DENND3: variants seen among roughly 807,000 people sequenced by gnomAD.
DENND3 encodes the protein DENN domain containing 3, also known as DENN domain-containing protein 3.
A neutral mutation model predicts 135.1 loss-of-function variants in DENND3; 88 were observed. That is an observed-to-expected ratio of 0.65 (90% CI 0.55 to 0.78). DENND3 has a LOEUF of 0.78. Ranked by LOEUF, DENND3 falls within the 30% of genes least tolerant of loss-of-function variation. The pLI, the probability that DENND3 is intolerant of heterozygous loss-of-function variation, is 0.00. For synonymous variants in DENND3, 693 were observed against 712.3 expected (o/e 0.97, Z 0.43); for missense variants, 1,392 against 1,688.4 (o/e 0.82, Z 3.08).
chr8:141,189,058 G>A lies in DENND3; in HGVS notation c.3157G>A (p.Val1053Ile), dbSNP rs201382694. ...SEDSVIYIIN[V>I]HSMSCNKQLT... is the part of the protein sequence containing the mutation. Reference sequence around the variant, plus strand: ...AGACTCCGTCATCTACATCATCAACGTCCACAGCATGTCCTGCAACAAGCA... The same window carrying A: ...AGACTCCGTCATCTACATCATCAACATCCACAGCATGTCCTGCAACAAGCA... The change falls in exon 19 of 23, where the codon GTC becomes ATC. Residue 1053 changes from valine to isoleucine, a missense_variant. Val to Ile is a conservative substitution (Grantham distance 29, BLOSUM62 3). Transcript: ENST00000519811. 67 of 1,614,198 alleles carry A rather than the reference G, an allele frequency of 4.2e-5. No individual in the cohort carries two copies. The highest frequency in any genetic ancestry group is 1.2e-4 in the Admixed American group (7 of 60,020).
In DENND3 at chr8:141,141,115, C is replaced by T; in HGVS notation, c.502-88C>T. ...GTGGGGATGGTGGACTCTCAGCTTG[C>T]TGTGTGCTGAAACGTGACCCAGTTG... On this transcript the variant is annotated intron_variant, in intron 3 of 22. Transcript: ENST00000519811. The surrounding 1 kb of genome is among the most constrained non-coding windows in gnomAD (Gnocchi z 5.3). 2 of 1,594,084 alleles carry T rather than the reference C, an allele frequency of 1.3e-6. No individual in the cohort carries two copies. The highest frequency in any genetic ancestry group is 8.6e-7 in the Non-Finnish European group (1 of 1,167,714).
chr8:141,140,852 G>A (rs1017720958), intron 3 of DENND3, among the ~76,000 whole-genome samples: 6 of 152,206 alleles, frequency 3.9e-5, no homozygotes, highest in Admixed American at 6.5e-5. Flanking sequence ...TGTGGGTGCC[G>A]CTTCCTGTGC....
At chr8:141,180,966 G>C in intron 17 of DENND3, 112 bp downstream of exon 17, 1 of 826,066 alleles carries the variant, frequency 1.2e-6, no homozygotes, top group African/African-American at 1.7e-5. Context: ...CACGGGATAA[G>C]TGGGGACAAG....
chr8:141,154,712 G>A lies in DENND3; in HGVS notation c.1075-1137G>A, dbSNP rs1819233760. ...TGAGTAGCTGGGATTGCAGGCACAC[G>A]CCACCATGCCTGGGTAATTTTTGTA... On this transcript the variant is annotated intron_variant, in intron 7 of 22. Coordinates refer to ENST00000519811, the MANE Select transcript of DENND3 (RefSeq NM_001352890.3). This position sits in a 1 kb window ranked among gnomAD's most constrained non-coding sequence, Gnocchi z 4.4. Among the ~76,000 whole-genome samples, 1 of 151,998 alleles carries A rather than the reference G, an allele frequency of 6.6e-6. No individual in the cohort carries two copies. Among genetic ancestry groups the A allele is most frequent in the Non-Finnish European group, 1.5e-5 (1 of 68,000 alleles).
intron 8 of DENND3, among the ~76,000 whole-genome samples, chr8:141,158,946 AG>A (rs1224738075): frequency 2.6e-5 from 4 of 152,254 alleles, no homozygotes; most frequent in African/African-American, 9.6e-5. Flanking sequence ...CTGCCACTCC[AG>A]GTGGCATCAT....
chr8:141,185,533 C>T (rs531295703), intron 18 of DENND3: 1 of 413,798 alleles, frequency 2.4e-6, no homozygotes, highest in East Asian at 4.4e-5. Flanking sequence ...ATTTCAGGCC[C>T]CCATCTAAAA....
At chr8:141,172,570 C>T (rs529095077) in intron 13 of DENND3, among the ~76,000 whole-genome samples, 17 of 152,312 alleles carry the variant, frequency 1.1e-4, no homozygotes, top group South Asian at 1.0e-3. Flanking sequence ...CCCTGAGCGG[C>T]GCAAGGGGCA....
chr8:141,194,228 G>T lies in DENND3; in HGVS notation c.3832G>T (p.Glu1278Ter), dbSNP rs770437022. Residue 1278 changes from glutamate to a stop codon, truncating the protein, a stop_gained, in exon 23 of 23, where the codon GAA (glutamate) becomes TAA (stop). Coordinates refer to ENST00000519811, the MANE Select transcript of DENND3 (RefSeq NM_001352890.3). LOFTEE classifies it high-confidence loss of function. The part of the protein sequence containing the change: ...EEGKVAIWKG[E>*] ...GGGGAAAGTCGCCATTTGGAAAGGC[G>T]AATAAACGTGGCTGAGTCTGCCAAG... is the stretch of plus-strand genomic sequence containing the variant. The T allele has an allele frequency of 6.2e-7, 1 of 1,611,910 alleles. No homozygotes were observed.
At chr8:141,183,417 G>A (rs1021341878) in intron 17 of DENND3, among the ~76,000 whole-genome samples, 1 of 131,690 alleles carries the variant, frequency 7.6e-6, no homozygotes, top group Non-Finnish European at 1.6e-5. Flanking sequence ...GCCAATTTTT[G>A]TATTTTTTTT....
chr8:141,136,751 C>A lies in DENND3; in HGVS notation c.345C>A (p.Gly115=), dbSNP rs200233804. The A allele has an allele frequency of 1.3e-6, 2 of 1,595,366 alleles. No individual in the cohort carries two copies. The highest frequency in any genetic ancestry group is 1.3e-5 in the African/African-American group (1 of 74,702). Residue 115 remains glycine (G), a synonymous_variant, in exon 2 of 23, where the codon GGC becomes GGA. Transcript: ENST00000519811. ...AGCCTGAGGATGTCGCCGTCCCGGG[C>A]GGCGTGGACCTCCTCACCCTGCCGC... ...APEPEDVAVP[G]GVDLLTLPQL...
Position 141,138,389 on chromosome 8 carries a change from CTT to C in DENND3, c.501+262_501+263del, listed in dbSNP as rs549087935. Among the ~76,000 whole-genome samples, 1 of 146,058 alleles carries C rather than the reference CTT, an allele frequency of 6.8e-6. No individual in the cohort carries two copies. Among genetic ancestry groups the C allele is most frequent in the African/African-American group, 2.5e-5 (1 of 39,984 alleles). On this transcript the variant is annotated intron_variant, in intron 3 of 22. Coordinates refer to ENST00000519811, the MANE Select transcript of DENND3 (RefSeq NM_001352890.3). This position sits in a 1 kb window ranked among gnomAD's most constrained non-coding sequence, Gnocchi z 4.8. ...TGCCTGGCGATGGCTAATCTGCTTG[CTT>C]TTTTTTTTTATTGAGATGGAGTCTT...
In DENND3 at chr8:141,163,384, A is replaced by C; in HGVS notation, c.1404A>C (p.Glu468Asp). The stretch of plus-strand genomic sequence containing the variant: ...AACACAGAGTCTTTAATAGTGAAGA[A>C]TTTCTCAAAACCAGGGCTCCAGGGG... ...NYEHRVFNSE[E>D]FLKTRAPGDH... Residue 468 changes from glutamate to aspartate, a missense_variant, in exon 10 of 23, where the codon GAA (glutamate) becomes GAC (aspartate). By Grantham distance (45) the Glu-to-Asp change is conservative (BLOSUM62 2). Transcript: ENST00000519811. 6.2e-7 allele frequency: 1 copy of C among 1,613,430 alleles called. No individual in the cohort carries two copies. Among genetic ancestry groups the C allele is most frequent in the East Asian group, 2.2e-5 (1 of 44,882 alleles).
At chr8:141,147,561 C>T (rs1487596943) in intron 5 of DENND3, among the ~76,000 whole-genome samples, 3 of 152,240 alleles carry the variant, frequency 2.0e-5, no homozygotes, top group Non-Finnish European at 2.9e-5. Flanking sequence ...CCAGCTGTGG[C>T]TCATCTCTGG....
At position 141,136,774 on chromosome 8, in the gene DENND3, C is replaced by A; in HGVS notation, c.368C>A (p.Pro123Gln). ...VPGGVDLLTL[P>Q]QLCFPGGVCV... ...GGCGGCGTGGACCTCCTCACCCTGC[C>A]GCAGCTGTGCTTCCCAGGTATGTCT... The change falls in exon 2 of 23, where the codon CCG becomes CAG. Residue 123 changes from proline to glutamine, a missense_variant. By Grantham distance (76) the Pro-to-Gln change is moderately conservative. Coordinates refer to ENST00000519811, the MANE Select transcript of DENND3 (RefSeq NM_001352890.3). 1 of 1,579,430 alleles carries A rather than the reference C, an allele frequency of 6.3e-7. No individual in the cohort carries two copies. Among genetic ancestry groups the A allele is most frequent in the Non-Finnish European group, 8.6e-7 (1 of 1,163,772 alleles).
Position 141,194,288 on chromosome 8 carries a change from C to A in DENND3, c.*55C>A, listed in dbSNP as rs1825131542. On this transcript the variant is annotated 3_prime_UTR_variant, in exon 23 of 23. Coordinates refer to ENST00000519811, the MANE Select transcript of DENND3 (RefSeq NM_001352890.3). Reference sequence around the variant, plus strand: ...GCCCTATGTGTGGGGACTGGCTGCCCCCTAGAGCCTGCCAGGAGCAGAAGC... The same window carrying A: ...GCCCTATGTGTGGGGACTGGCTGCCACCTAGAGCCTGCCAGGAGCAGAAGC... The A allele has an allele frequency of 3.8e-6, 6 of 1,574,654 alleles. No individual in the cohort carries two copies. Among genetic ancestry groups the A allele is most frequent in the Non-Finnish European group, 4.3e-6 (5 of 1,159,642 alleles).
Position 141,168,075 on chromosome 8 carries a change from T to C in DENND3, c.1825T>C (p.Cys609Arg). Residue 609 changes from cysteine (C) to arginine (R), a missense_variant, in exon 13 of 23, where the codon TGC becomes CGC. Coordinates refer to ENST00000519811, the MANE Select transcript of DENND3 (RefSeq NM_001352890.3). This position sits in a 1 kb window ranked among gnomAD's most constrained non-coding sequence, Gnocchi z 6.2. ...AATCCACTTTCCGCTGGAGAGCAAG[T>C]GCGTGCAGGCATACCATGCCCACTT... Reference protein sequence around the residue: ...PEIHFPLESKCVQAYHAHFVS... With the variant: ...PEIHFPLESKRVQAYHAHFVS... The C allele has an allele frequency of 5.0e-6, 8 of 1,614,162 alleles. No individual in the cohort carries two copies. Among genetic ancestry groups the C allele is most frequent in the Non-Finnish European group, 5.9e-6 (7 of 1,180,040 alleles).
At chr8:141,165,942 C>A (rs1023481240) in intron 11 of DENND3, among the ~76,000 whole-genome samples, 1 of 152,134 alleles carries the variant, frequency 6.6e-6, no homozygotes, top group Non-Finnish European at 1.5e-5. Flanking sequence ...TCCTGAGCCC[C>A]CTCCAACATG....
intron 17 of DENND3, 119 bp downstream of exon 17, chr8:141,180,973 C>G: frequency 2.6e-6 from 2 of 768,860 alleles, no homozygotes; most frequent in Admixed American, 2.9e-5. Flanking sequence ...TAAGTGGGGA[C>G]AAGGTGCCTG....
chr8:141,190,537 A>C, intron 20 of DENND3, 120 bp downstream of exon 20: 5 of 1,355,780 alleles, frequency 3.7e-6, no homozygotes, highest in Non-Finnish European at 4.8e-6. Flanking sequence ...TTTATTTTAA[A>C]CTCGGGTTCC....
Sources: allele counts gnomAD v4.1 joint callset (sites outside exome capture counted in the v4.1 genomes callset), GRCh38; gene constraint gnomAD v4.1.1; non-coding constraint Gnocchi (gnomAD v3.1); transcripts MANE v1.5; gene names NCBI Gene and HGNC (gene_info 2026-07-23, HGNC 2026-07-21).